Variants in NRG3 observed in about 807,000 individuals in gnomAD.
The protein encoded by NRG3 is pro-neuregulin-3, membrane-bound isoform.
NRG3 carries 31 observed loss-of-function variants against 66.9 expected under a neutral mutation model. The ratio of observed to expected loss-of-function variants is 0.46; its 90% confidence interval spans 0.35 to 0.63. The LOEUF (loss-of-function observed/expected upper bound fraction) is 0.63. NRG3 is among the 20% of genes least tolerant of loss of function. The pLI, the probability that NRG3 is intolerant of heterozygous loss-of-function variation, is 0.00. For synonymous variants in NRG3, 393 were observed against 359.4 expected, an observed-to-expected ratio of 1.09 and a Z score of -1.06; for missense variants, 910 against 878.9, an observed-to-expected ratio of 1.04 and a Z score of -0.45.
intron 4 of NRG3, among the ~76,000 whole-genome samples, chr10:82,918,139 G>A (rs1846065442): frequency 6.6e-6 from 1 of 151,832 alleles, no homozygotes; most frequent in African/African-American, 2.4e-5. Context: ...AATCACCAGT[G>A]ACAGATTTAA....
chr10:82,196,347 G>T (rs898009897), intron 1 of NRG3, among the ~76,000 whole-genome samples: 1 of 152,170 alleles, frequency 6.6e-6, no homozygotes, highest in African/African-American at 2.4e-5. Flanking sequence ...AAGATAATGT[G>T]CTATGAATGG....
At chr10:82,533,092 C>CT (rs1199610478) in intron 2 of NRG3, among the ~76,000 whole-genome samples, 88 of 139,346 alleles carry the variant, frequency 6.3e-4, no homozygotes, top group Non-Finnish European at 6.5e-4. Context: ...ATTTGTATAT[C>CT]TTTTTTTTTT....
At chr10:82,787,404 G>A (rs573597111) in intron 3 of NRG3, among the ~76,000 whole-genome samples, 17 of 152,268 alleles carry the variant, frequency 1.1e-4, no homozygotes, top group African/African-American at 4.1e-4. Context: ...CATGCTATAA[G>A]TACATGAAGA....
intron 4 of NRG3, among the ~76,000 whole-genome samples, chr10:82,935,133 G>C (rs1459009222): frequency 6.6e-6 from 1 of 152,174 alleles, no homozygotes; most frequent in Non-Finnish European, 1.5e-5. Context: ...TTCTTTGCTG[G>C]AGAATGCTGA....
chr10:82,310,519 T>G (rs2080966364), intron 1 of NRG3, among the ~76,000 whole-genome samples: 1 of 152,132 alleles, frequency 6.6e-6, no homozygotes, highest in African/African-American at 2.4e-5. Context: ...AGAAAATGAA[T>G]AACGTTGAGA....
chr10:82,833,353 A>G (rs1274719961), intron 3 of NRG3, among the ~76,000 whole-genome samples: 1 of 152,248 alleles, frequency 6.6e-6, no homozygotes, highest in East Asian at 1.9e-4. Context: ...CTAGGAAGAT[A>G]GGGAGTCTCA....
At chr10:82,382,537 C>G (rs1311224701) in intron 2 of NRG3, among the ~76,000 whole-genome samples, 1 of 151,942 alleles carries the variant, frequency 6.6e-6, no homozygotes, top group Non-Finnish European at 1.5e-5. Flanking sequence ...TTTGAATTGT[C>G]TGCCTTTTGC....
At chr10:82,039,307 T>G (rs569487837) in intron 1 of NRG3, among the ~76,000 whole-genome samples, 1 of 152,226 alleles carries the variant, frequency 6.6e-6, no homozygotes, top group Non-Finnish European at 1.5e-5. Flanking sequence ...ATTTTTTAAA[T>G]TAAATACCAA....
intron 1 of NRG3, among the ~76,000 whole-genome samples, chr10:82,146,162 C>T (rs747144099): frequency 6.6e-6 from 1 of 152,118 alleles, no homozygotes; most frequent in Non-Finnish European, 1.5e-5. Flanking sequence ...TTAAAGCCTG[C>T]TTTTGTTTCT....
chr10:82,490,592 A>G (rs762844391), intron 2 of NRG3, among the ~76,000 whole-genome samples: 6 of 152,100 alleles, frequency 3.9e-5, no homozygotes, highest in Non-Finnish European at 2.9e-5. Flanking sequence ...TATCACCTAC[A>G]TTTCAACAAC....
At chr10:82,096,485 C>CA (rs1001465517) in intron 1 of NRG3, among the ~76,000 whole-genome samples, 232 of 150,512 alleles carry the variant, frequency 1.5e-3, no homozygotes, top group African/African-American at 5.3e-3. Context: ...AACGAACAAA[C>CA]AAAAAAAAAA....
chr10:82,607,315 C>G (rs1025907747), intron 2 of NRG3, among the ~76,000 whole-genome samples: 2 of 144,432 alleles, frequency 1.4e-5, no homozygotes, highest in East Asian at 4.3e-4. Context: ...AGAGACTTTA[C>G]CCCTTCTTCA....
chr10:82,663,327 T>C (rs2052513669), intron 2 of NRG3, among the ~76,000 whole-genome samples: 1 of 152,198 alleles, frequency 6.6e-6, no homozygotes, highest in Admixed American at 6.5e-5. Flanking sequence ...TTCCTGGGAT[T>C]TAATTGCATA....
chr10:82,770,634 GT>G (rs1415817618), intron 3 of NRG3, among the ~76,000 whole-genome samples: 1 of 152,068 alleles, frequency 6.6e-6, no homozygotes, highest in Non-Finnish European at 1.5e-5. Flanking sequence ...ACTAGGAGGT[GT>G]TTTGGCAATT....
At chr10:82,833,452 C>T (rs1261656352) in intron 3 of NRG3, among the ~76,000 whole-genome samples, 1 of 152,116 alleles carries the variant, frequency 6.6e-6, no homozygotes, top group South Asian at 2.1e-4. Context: ...CTAAATATTG[C>T]AGCTATCTAG....
At chr10:82,351,260 TC>T (rs1323920155) in intron 1 of NRG3, among the ~76,000 whole-genome samples, 1 of 152,198 alleles carries the variant, frequency 6.6e-6, no homozygotes, top group Non-Finnish European at 1.5e-5. Flanking sequence ...GGAGGCTGTT[TC>T]TATGTGTGAG....
chr10:82,422,314 G>A (rs927377152), intron 2 of NRG3, among the ~76,000 whole-genome samples: 3 of 151,996 alleles, frequency 2.0e-5, no homozygotes, highest in Non-Finnish European at 4.4e-5. Context: ...GATAAAATCT[G>A]GGTTGATCAA....
chr10:82,896,649 A>C (rs1843689852), intron 4 of NRG3, among the ~76,000 whole-genome samples: 1 of 152,226 alleles, frequency 6.6e-6, no homozygotes, highest in African/African-American at 2.4e-5. Flanking sequence ...AATTAAAGTC[A>C]GTACCTCAAA....
At chr10:82,379,054 T>C (rs1403922556) in intron 2 of NRG3, among the ~76,000 whole-genome samples, 1 of 152,146 alleles carries the variant, frequency 6.6e-6, no homozygotes, top group African/African-American at 2.4e-5. Context: ...CCATCCTTCT[T>C]TCTCCAAATC....
Sources: gnomAD v4.1 joint callset for allele counts (sites outside exome capture counted in the v4.1 genomes callset) on GRCh38, gnomAD v4.1.1 for gene constraint, MANE v1.5 for transcripts, NCBI Gene and HGNC (gene_info 2026-07-23, HGNC 2026-07-21) for gene names.